IFT80: variants seen among roughly 807,000 people sequenced by gnomAD.
IFT80 encodes intraflagellar transport 80.
IFT80 carries 79 observed loss-of-function variants against 107.9 expected under a neutral mutation model. The ratio of observed to expected loss-of-function variants is 0.73; its 90% confidence interval spans 0.61 to 0.88. The LOEUF (loss-of-function observed/expected upper bound fraction) is 0.88. Among genes scored for constraint, IFT80 ranks in the 40% least tolerant of loss-of-function variants. The pLI, the probability that IFT80 is intolerant of heterozygous loss-of-function variation, is 0.00. For missense variants in IFT80, 797 were observed against 914.2 expected (o/e 0.87, Z 1.65); for synonymous variants, 299 against 300.9 (o/e 0.99, Z 0.07).
chr3:160,355,960 G>T, intron 8 of IFT80, 53 bp downstream of exon 8: 2 of 1,588,980 alleles, frequency 1.3e-6, no homozygotes, highest in Non-Finnish European at 8.6e-7. Context: ...TGTGTGTTGT[G>T]CATTACCACA....
At chr3:160,393,370 T>C (rs759148447) in intron 1 of IFT80, among the ~76,000 whole-genome samples, 1 of 152,188 alleles carries the variant, frequency 6.6e-6, no homozygotes, top group Non-Finnish European at 1.5e-5. Flanking sequence ...GAAAATATAA[T>C]TAAGAGTTAG....
intron 15 of IFT80, 69 bp downstream of exon 15, chr3:160,280,598 A>C (rs1211777920): frequency 3.7e-6 from 5 of 1,343,214 alleles, no homozygotes; most frequent in Non-Finnish European, 5.3e-6. Flanking sequence ...TGAAAATAGA[A>C]GCCAAAACAT....
chr3:160,390,319 A>G (rs1050449908), intron 1 of IFT80, among the ~76,000 whole-genome samples: 1 of 151,964 alleles, frequency 6.6e-6, no homozygotes, highest in Non-Finnish European at 1.5e-5. Context: ...CAGGAAGCTG[A>G]GGCAGGAGAA....
chr3:160,365,691 T>A (rs1721816433), intron 6 of IFT80, among the ~76,000 whole-genome samples: 1 of 152,092 alleles, frequency 6.6e-6, no homozygotes, highest in South Asian at 2.1e-4. Context: ...GATGTTCTCA[T>A]CTCTTAGTTG....
chr3:160,342,309 A>T (rs1184429796), intron 8 of IFT80, among the ~76,000 whole-genome samples: 2 of 152,170 alleles, frequency 1.3e-5, no homozygotes, highest in Non-Finnish European at 2.9e-5. Context: ...CTCTTACATT[A>T]AAACGAAATA....
At chr3:160,394,581 G>A (rs1009382300) in intron 1 of IFT80, among the ~76,000 whole-genome samples, 1 of 151,890 alleles carries the variant, frequency 6.6e-6, no homozygotes, top group African/African-American at 2.4e-5. Context: ...ATTCGTATTG[G>A]CTATACTTAT....
chr3:160,350,452 C>A (rs1223219685), intron 8 of IFT80, among the ~76,000 whole-genome samples: 1 of 149,374 alleles, frequency 6.7e-6, no homozygotes, highest in African/African-American at 2.5e-5. Flanking sequence ...AAAGTATTTA[C>A]ATACTTTTTT....
chr3:160,384,784 G>GA, intron 1 of IFT80, 138 bp from the exon 2 acceptor site: 39 of 614,866 alleles, frequency 6.3e-5, no homozygotes, highest in East Asian at 1.3e-4. Flanking sequence ...CATGGAAAGA[G>GA]AAAAAAAACT....
At chr3:160,323,791 A>G (rs1038972615) in intron 8 of IFT80, among the ~76,000 whole-genome samples, 1 of 152,142 alleles carries the variant, frequency 6.6e-6, no homozygotes. Context: ...GCAGAACTGA[A>G]GGAAATAGAG....
At chr3:160,299,239 A>G in intron 12 of IFT80, 1 of 1,154,708 alleles carries the variant, frequency 8.7e-7, no homozygotes, top group Non-Finnish European at 1.1e-6. Context: ...AAGTCCTTTA[A>G]AAAAAAATTA....
chr3:160,318,326 T>G (rs982882293), intron 9 of IFT80, among the ~76,000 whole-genome samples: 1 of 152,048 alleles, frequency 6.6e-6, no homozygotes, highest in Non-Finnish European at 1.5e-5. Context: ...AATCTGGATA[T>G]GTGGGCTAAC....
rs2275152 is a variant in IFT80 at position 160,307,662 on chromosome 3, C to T, written c.1076+1G>A. 6.3e-6 allele frequency: 9 copies of T among 1,439,930 alleles called. No homozygotes were observed. Among genetic ancestry groups the T allele is most frequent in the East Asian group, 4.5e-5 (2 of 44,052 alleles). 89.2% of individuals were successfully genotyped at this position (1,439,930 alleles called of 1,614,324 possible). The stretch of plus-strand genomic sequence containing the variant: ...AATTTTAAGAAATGCAAGATGCTTA[C>T]GAGAACACGTAACATTGAAGAGACG... On this transcript the variant is annotated splice_donor_variant, in intron 10 of 19. Coordinates refer to ENST00000326448, the MANE Select transcript of IFT80 (RefSeq NM_020800.3). LOFTEE classifies it high-confidence loss of function.
chr3:160,394,172 A>T (rs17826161), intron 1 of IFT80: 22,133 of 152,300 alleles, frequency 0.15, 2,145 homozygotes, highest in Non-Finnish European at 0.21. Context: ...GCACGGACTC[A>T]AAGGCTTAGC....
intron 6 of IFT80, among the ~76,000 whole-genome samples, chr3:160,362,091 T>C (rs915510598): frequency 2.0e-5 from 3 of 152,100 alleles, no homozygotes; most frequent in Non-Finnish European, 4.4e-5. Flanking sequence ...ATCCAGGAGC[T>C]GGTTTTTTGA....
At chr3:160,331,708 T>A (rs1389343678) in intron 8 of IFT80, among the ~76,000 whole-genome samples, 1 of 152,150 alleles carries the variant, frequency 6.6e-6, no homozygotes, top group Non-Finnish European at 1.5e-5. Context: ...TCATCCATGC[T>A]GGAGTACAGT....
chr3:160,358,959 C>A (rs543609132), intron 6 of IFT80, among the ~76,000 whole-genome samples: 2 of 152,034 alleles, frequency 1.3e-5, no homozygotes, highest in East Asian at 3.9e-4. Flanking sequence ...TTTTATTCAA[C>A]GAATAAATAA....
At chr3:160,293,719 C>T (rs937703373) in intron 12 of IFT80, among the ~76,000 whole-genome samples, 2 of 152,118 alleles carry the variant, frequency 1.3e-5, no homozygotes, top group Non-Finnish European at 2.9e-5. Context: ...TTCAGGATAG[C>T]GGTTGGTCAC....
intron 8 of IFT80, among the ~76,000 whole-genome samples, chr3:160,344,395 A>G (rs1002327583): frequency 6.6e-6 from 1 of 152,198 alleles, no homozygotes; most frequent in Non-Finnish European, 1.5e-5. Flanking sequence ...ATCTATATAC[A>G]GAAGAATGAA....
chr3:160,330,839 A>G (rs564338194), intron 8 of IFT80, among the ~76,000 whole-genome samples: 40 of 152,314 alleles, frequency 2.6e-4, no homozygotes, highest in African/African-American at 9.1e-4. Flanking sequence ...GATTATTTGA[A>G]GCAAATCCCT....
Sources: allele counts gnomAD v4.1 joint callset (sites outside exome capture counted in the v4.1 genomes callset), GRCh38; gene constraint gnomAD v4.1.1; transcripts MANE v1.5; gene names NCBI Gene and HGNC (gene_info 2026-07-23, HGNC 2026-07-21).